The following LRRC7 variants were observed in gnomAD, a reference collection of about 807,000 sequenced individuals.
LRRC7 encodes leucine rich repeat containing 7, also known as leucine-rich repeat-containing protein 7.
In LRRC7, 23 loss-of-function variants were observed where a neutral mutation model predicts 175.7. The observed-to-expected ratio is 0.13, with a 90% CI of 0.09 to 0.19. The LOEUF (loss-of-function observed/expected upper bound fraction) is 0.19, where lower values mean the gene tolerates loss of function less well. Ranked by LOEUF, LRRC7 falls within the 10% of genes least tolerant of loss-of-function variation. The probability of loss-of-function intolerance (pLI) is 1.00; values close to 1 mark genes in which losing one functional copy is unlikely to be tolerated. For synonymous variants in LRRC7, 685 were observed against 680.9 expected, an observed-to-expected ratio of 1.01 and a Z score of -0.09; for missense variants, 1,354 against 1,904.7, an observed-to-expected ratio of 0.71 and a Z score of 5.38.
chr1:70,075,773 T>G (rs1662728271), intron 23 of LRRC7, among the ~76,000 whole-genome samples: 1 of 152,228 alleles, frequency 6.6e-6, no homozygotes, highest in Non-Finnish European at 1.5e-5. Context: ...ATTTTTAAGT[T>G]GCGACTTAAT....
chr1:70,079,963 T>C (rs970736462), intron 24 of LRRC7, among the ~76,000 whole-genome samples: 17 of 152,260 alleles, frequency 1.1e-4, no homozygotes, highest in Non-Finnish European at 1.8e-4. Context: ...AAATAATTTA[T>C]GGAAAGTGTA....
rs573999357 is a variant in LRRC7 at position 69,895,320 on chromosome 1, C to G, written c.648-36187C>G. Among the ~76,000 whole-genome samples the G allele has an allele frequency of 1.7e-4, 26 of 152,068 alleles. No homozygotes were observed. In the South Asian group the frequency reaches 3.7e-3, roughly 22 times the overall value. ...AACACACACACAAAAACCCAGAAAA[C>G]AAAAAAGCAAAGGTACACAAGGAAA... On this transcript the variant is annotated intron_variant, in intron 7 of 26. Coordinates refer to ENST00000651989, the MANE Select transcript of LRRC7 (RefSeq NM_001370785.2).
chr1:69,923,789 A>G (rs1011955686), intron 7 of LRRC7, among the ~76,000 whole-genome samples: 5 of 152,004 alleles, frequency 3.3e-5, no homozygotes, highest in African/African-American at 1.2e-4. Context: ...TTTGCTGTGC[A>G]GAAGCTCTTT....
At chr1:70,070,052 G>A (rs1662266462) in intron 23 of LRRC7, among the ~76,000 whole-genome samples, 1 of 152,094 alleles carries the variant, frequency 6.6e-6, no homozygotes, top group Non-Finnish European at 1.5e-5. Flanking sequence ...AGAGTGCAGT[G>A]ATGTGATCAG....
chr1:69,585,958 A>T lies in LRRC7; in HGVS notation c.2+17317A>T, dbSNP rs150899946. Reference sequence around the variant, plus strand: ...GTCATAGACGAAATCAGCTACTAAAAATCTGGCTTACAAAAATGATTCTTA... The same window carrying T: ...GTCATAGACGAAATCAGCTACTAAATATCTGGCTTACAAAAATGATTCTTA... On this transcript the variant is annotated intron_variant, in intron 1 of 26. Transcript: ENST00000651989. Among the ~76,000 whole-genome samples, 314 of 152,324 alleles carry T rather than the reference A, an allele frequency of 2.1e-3. 2 individuals are homozygous for T. Among genetic ancestry groups the T allele is most frequent in the African/African-American group, 7.3e-3 (302 of 41,574 alleles).
chr1:69,696,248 A>G lies in LRRC7; in HGVS notation c.100+17770A>G, dbSNP rs148517999. On this transcript the variant is annotated intron_variant, in intron 2 of 26. Coordinates refer to ENST00000651989, the MANE Select transcript of LRRC7 (RefSeq NM_001370785.2). ...CAGGTTGTGGGACATGGAGTCAAAGATTATTTTGGAGCTTTAAAGTTTTAA... is the reference window on the plus strand; with the variant it reads ...CAGGTTGTGGGACATGGAGTCAAAGGTTATTTTGGAGCTTTAAAGTTTTAA... Among the ~76,000 whole-genome samples, 77 of 152,198 alleles carry G rather than the reference A, an allele frequency of 5.1e-4. 2 individuals are homozygous for G. In the East Asian group the frequency reaches 0.014, roughly 28 times the overall value.
At chr1:69,915,318 C>G (rs768645671) in intron 7 of LRRC7, among the ~76,000 whole-genome samples, 23 of 152,166 alleles carry the variant, frequency 1.5e-4, no homozygotes, top group Non-Finnish European at 1.6e-4. Flanking sequence ...ATGATCTAAT[C>G]TAATTTAAAT....
At chr1:69,631,508 G>A (rs950866315) in intron 1 of LRRC7, among the ~76,000 whole-genome samples, 4 of 152,022 alleles carry the variant, frequency 2.6e-5, no homozygotes, top group Admixed American at 1.3e-4. Flanking sequence ...GTGGATGGGG[G>A]TGATGTTCTA....
At chr1:69,698,579 A>G (rs1259327526) in intron 2 of LRRC7, among the ~76,000 whole-genome samples, 2 of 152,222 alleles carry the variant, frequency 1.3e-5, no homozygotes, top group South Asian at 4.1e-4. Context: ...CAAAATTTCT[A>G]GTACCCTTCC....
At chr1:69,697,027 A>T (rs1211649796) in intron 2 of LRRC7, among the ~76,000 whole-genome samples, 1 of 152,162 alleles carries the variant, frequency 6.6e-6, no homozygotes, top group Non-Finnish European at 1.5e-5. Flanking sequence ...GATCAATCAG[A>T]TCTGGGTCTA....
At chr1:69,603,371 T>C (rs1404186943) in intron 1 of LRRC7, among the ~76,000 whole-genome samples, 1 of 152,230 alleles carries the variant, frequency 6.6e-6, no homozygotes, top group African/African-American at 2.4e-5. Context: ...CATTTGGTAA[T>C]GCTAATGGTG....
At chr1:69,679,755 TA>T (rs1332297523) in intron 2 of LRRC7, among the ~76,000 whole-genome samples, 1 of 152,046 alleles carries the variant, frequency 6.6e-6, no homozygotes, top group Non-Finnish European at 1.5e-5. Flanking sequence ...AAATAAAACT[TA>T]AAAGGGATAT....
intron 18 of LRRC7, among the ~76,000 whole-genome samples, chr1:70,030,844 C>T (rs1298670353): frequency 6.6e-6 from 1 of 152,162 alleles, no homozygotes; most frequent in African/African-American, 2.4e-5. Context: ...ATTTTGCCAA[C>T]TAGATGCCAA....
intron 8 of LRRC7, among the ~76,000 whole-genome samples, chr1:69,976,689 C>T (rs1332264211): frequency 2.6e-5 from 4 of 152,122 alleles, no homozygotes; most frequent in African/African-American, 9.7e-5. Context: ...CCTAACACAA[C>T]TCTATTCATT....
chr1:69,875,482 T>A (rs1685958560), intron 7 of LRRC7, among the ~76,000 whole-genome samples: 1 of 152,060 alleles, frequency 6.6e-6, no homozygotes, highest in African/African-American at 2.4e-5. Context: ...ATTATAAAAG[T>A]AAAAGGTTAA....
intron 7 of LRRC7, among the ~76,000 whole-genome samples, chr1:69,906,724 G>T (rs926217153): frequency 6.6e-6 from 1 of 152,134 alleles, no homozygotes; most frequent in Non-Finnish European, 1.5e-5. Flanking sequence ...TTTGGCTTAG[G>T]ATTGACTTGG....
intron 2 of LRRC7, among the ~76,000 whole-genome samples, chr1:69,725,936 A>AG (rs1203722851): frequency 1.3e-5 from 2 of 152,230 alleles, no homozygotes; most frequent in Non-Finnish European, 2.9e-5. Context: ...TGCTGAACAA[A>AG]GGGCCTGGAC....
At chr1:69,926,865 T>C (rs921706064) in intron 7 of LRRC7, among the ~76,000 whole-genome samples, 1 of 152,192 alleles carries the variant, frequency 6.6e-6, no homozygotes, top group Admixed American at 6.5e-5. Flanking sequence ...GTTAGCTGGT[T>C]ATTTTGCTCA....
At chr1:69,651,218 G>A (rs1395443032) in intron 1 of LRRC7, among the ~76,000 whole-genome samples, 4 of 151,938 alleles carry the variant, frequency 2.6e-5, no homozygotes, top group African/African-American at 7.3e-5. Context: ...TTTATTTAAA[G>A]ATATATATTT....
Sources: gnomAD v4.1 joint callset for allele counts (sites outside exome capture counted in the v4.1 genomes callset) on GRCh38, gnomAD v4.1.1 for gene constraint, MANE v1.5 for transcripts, NCBI Gene and HGNC (gene_info 2026-07-23, HGNC 2026-07-21) for gene names.